RDH12: variants seen among roughly 807,000 people sequenced by gnomAD.
RDH12 encodes retinol dehydrogenase 12.
RDH12 carries 21 observed loss-of-function variants against 34.0 expected under a neutral mutation model. That is an observed-to-expected ratio of 0.62 (90% CI 0.44 to 0.89). The LOEUF (loss-of-function observed/expected upper bound fraction) is 0.89, where lower values mean the gene tolerates loss of function less well. Among genes scored for constraint, RDH12 ranks in the 40% least tolerant of loss-of-function variants. The pLI, the probability that RDH12 is intolerant of heterozygous loss-of-function variation, is 0.00. For missense variants in RDH12, 394 were observed against 398.6 expected (o/e 0.99, Z 0.10); for synonymous variants, 198 against 169.9 (o/e 1.17, Z -1.29).
intron 1 of RDH12, among the ~76,000 whole-genome samples, chr14:67,718,282 T>C (rs544170986): frequency 1.3e-5 from 2 of 152,112 alleles, no homozygotes; most frequent in African/African-American, 4.8e-5. Flanking sequence ...AATATGTGAT[T>C]TGAAGAATAG....
chr14:67,733,942 C>A lies in RDH12; in HGVS notation c.*94C>A. On this transcript the variant is annotated 3_prime_UTR_variant, in exon 9 of 9. Transcript: ENST00000551171. The stretch of plus-strand genomic sequence containing the variant: ...CAACCCTAAAGGATTGTCCTCTTGG[C>A]CAGCTGGTGCTGCGAATCCTGCCTG... 1.1e-6 allele frequency: 1 copy of A among 899,478 alleles called. No individual in the cohort carries two copies. The highest frequency in any genetic ancestry group is 1.8e-6 in the Non-Finnish European group (1 of 554,330). The allele number at this position is 899,478 out of a possible 1,614,324, so 55.7% of individuals were successfully genotyped here.
rs370111150 is a variant in RDH12 at position 67,707,033 on chromosome 14, T to A, written c.-275+5098T>A. ...CATTACTCTGTAGTCCATACATCAG[T>A]AGGCAGGTATGAAAGCGGTTTATGT... On this transcript the variant is annotated intron_variant, in intron 1 of 8. Transcript: ENST00000551171. Among the ~76,000 whole-genome samples, 46 of 152,318 alleles carry A rather than the reference T, an allele frequency of 3.0e-4. 1 individual carries two copies. Among genetic ancestry groups the A allele is most frequent in the African/African-American group, 1.1e-3 (45 of 41,574 alleles).
At chr14:67,714,551 A>G in intron 1 of RDH12, 1 of 162,508 alleles carries the variant, frequency 6.2e-6, no homozygotes, top group Admixed American at 5.8e-5. Context: ...CAAAATGAGG[A>G]ACACTAAGGG....
intron 1 of RDH12, among the ~76,000 whole-genome samples, chr14:67,703,823 A>G (rs952001284): frequency 6.6e-6 from 1 of 151,968 alleles, no homozygotes; most frequent in Non-Finnish European, 1.5e-5. Context: ...CTACAGGTGC[A>G]TACCACCGTG....
At chr14:67,723,492 C>G (rs946565111) in intron 3 of RDH12, among the ~76,000 whole-genome samples, 1 of 152,172 alleles carries the variant, frequency 6.6e-6, no homozygotes, top group African/African-American at 2.4e-5. Flanking sequence ...ACGTTGGCCT[C>G]CCAAGATGTT....
At chr14:67,703,185 A>G (rs560627475) in intron 1 of RDH12, among the ~76,000 whole-genome samples, 3 of 152,290 alleles carry the variant, frequency 2.0e-5, no homozygotes, top group Non-Finnish European at 4.4e-5. Flanking sequence ...TTTATAAAAG[A>G]TAGTTGGATC....
chr14:67,708,536 C>T (rs2037975142), intron 1 of RDH12, among the ~76,000 whole-genome samples: 1 of 151,966 alleles, frequency 6.6e-6, no homozygotes, highest in Non-Finnish European at 1.5e-5. Flanking sequence ...AAACAATTGA[C>T]AAGGAAATTT....
intron 7 of RDH12, chr14:67,727,490 T>TTTTTTTTTG (rs2038204244): frequency 1.1e-5 from 4 of 352,572 alleles, no homozygotes; most frequent in Non-Finnish European, 2.2e-5. Context: ...TTTTTGTTTT[T>TTTTTTTTTG]TTTTTTTTGA....
intron 7 of RDH12, chr14:67,727,521 C>T (rs1320055885): frequency 3.1e-5 from 10 of 322,694 alleles, no homozygotes; most frequent in East Asian, 8.6e-5. Context: ...TCGCTCTTGT[C>T]GCCCAGGCTG....
intron 4 of RDH12, 93 bp from the exon 5 acceptor site, chr14:67,725,006 G>T: frequency 1.4e-6 from 2 of 1,396,490 alleles, no homozygotes; most frequent in Non-Finnish European, 2.0e-6. Context: ...CTGGGAGAAT[G>T]AATGCTCTGT....
intron 1 of RDH12, among the ~76,000 whole-genome samples, chr14:67,705,358 G>C (rs1232909146): frequency 6.6e-6 from 1 of 152,204 alleles, no homozygotes; most frequent in Non-Finnish European, 1.5e-5. Flanking sequence ...TTCAGTGTCA[G>C]TAGGTTACAT....
At chr14:67,715,354 T>C (rs1316082827) in intron 1 of RDH12, 1 of 152,254 alleles carries the variant, frequency 6.6e-6, no homozygotes. Context: ...CTCTATATTA[T>C]TTGGTTTACT....
intron 8 of RDH12, 116 bp downstream of exon 8, chr14:67,729,496 G>T: frequency 9.9e-7 from 1 of 1,008,394 alleles, no homozygotes; most frequent in Non-Finnish European, 1.5e-6. Context: ...TCCAGGTTTG[G>T]GTTGGGCCTG....
chr14:67,724,504 A>G lies in RDH12; in HGVS notation c.100A>G (p.Asn34Asp). The change falls in exon 4 of 9, where the codon AAT becomes GAT. Residue 34 changes from asparagine (N) to aspartate (D), a missense_variant. Asn to Asp is a conservative substitution (Grantham distance 23). Transcript: ENST00000551171. The part of the protein sequence containing the change: ...KFFAGGVCRT[N>D]VQLPGKVVVI... ...CTTTGCTGGTGGAGTGTGTAGAACA[A>G]ATGTGCAGCTTCCTGGCAAGGTAGT... is the stretch of plus-strand genomic sequence containing the variant. The G allele has an allele frequency of 6.2e-7, 1 of 1,612,980 alleles. No homozygotes were observed. Among genetic ancestry groups the G allele is most frequent in the Admixed American group, 1.7e-5 (1 of 59,968 alleles).
At position 67,733,781 on chromosome 14, in the gene RDH12, G is replaced by A. The variant is rs2038316575; in HGVS notation, c.884G>A (p.Arg295Gln). 6 of 1,613,262 alleles carry A rather than the reference G, an allele frequency of 3.7e-6. No homozygotes were observed. The highest frequency in any genetic ancestry group is 1.7e-5 in the Admixed American group (1 of 59,974). Reference protein sequence around the residue: ...CKRTWVSPRARNNKTAERLWN... With the variant: ...CKRTWVSPRAQNNKTAERLWN... ...AGGACCTGGGTGTCTCCAAGGGCCC[G>A]AAATAACAAAACAGCTGAGCGCCTA... is the stretch of plus-strand genomic sequence containing the variant. The change falls in exon 9 of 9, where the codon CGA becomes CAA. Residue 295 changes from arginine to glutamine, a missense_variant. Arg to Gln is a conservative substitution (Grantham distance 43). Coordinates refer to ENST00000551171, the MANE Select transcript of RDH12 (RefSeq NM_152443.3).
intron 8 of RDH12, 61 bp downstream of exon 8, chr14:67,729,441 T>A: frequency 6.6e-7 from 1 of 1,524,022 alleles, no homozygotes; most frequent in African/African-American, 1.4e-5. Context: ...CCGGACTCGC[T>A]GGGCTGTTCA....
intron 2 of RDH12, among the ~76,000 whole-genome samples, chr14:67,721,738 GATATATAT>G (rs3039650): frequency 0.56 from 82,811 of 146,808 alleles, 24,929 homozygotes; most frequent in Non-Finnish European, 0.69. Context: ...AACAAGTGGG[GATATATAT>G]ATATATATAT....
intron 7 of RDH12, 74 bp downstream of exon 7, chr14:67,727,264 C>A: frequency 8.4e-7 from 1 of 1,184,370 alleles, no homozygotes; most frequent in Non-Finnish European, 1.2e-6. Flanking sequence ...CTTGGGAAGT[C>A]AGGCTGTCAA....
rs763414313 is a variant in RDH12, at chr14:67,725,147, C to T, written c.236C>T (p.Ala79Val). ...ACRDVLKGES[A>V]ASEIRVDTKN... ...AGAGATGTACTGAAGGGGGAGTCTG[C>T]TGCCAGTGAAATCCGAGTGGATACA... The change falls in exon 5 of 9, where the codon GCT becomes GTT. Residue 79 changes from alanine (A) to valine (V), a missense_variant. Coordinates refer to ENST00000551171, the MANE Select transcript of RDH12 (RefSeq NM_152443.3). 2.5e-6 allele frequency: 4 copies of T among 1,614,186 alleles called. No individual in the cohort carries two copies. In the East Asian group the frequency reaches 6.7e-5, roughly 27 times the overall value.
Sources: gnomAD v4.1 joint callset for allele counts (sites outside exome capture counted in the v4.1 genomes callset) on GRCh38, gnomAD v4.1.1 for gene constraint, MANE v1.5 for transcripts, NCBI Gene and HGNC (gene_info 2026-07-23, HGNC 2026-07-21) for gene names.